The following CGA variants were observed in gnomAD, a reference collection of about 807,000 sequenced individuals.
CGA encodes glycoprotein hormones, alpha polypeptide, also known as glycoprotein hormones alpha chain.
Under a neutral mutation model 12.0 loss-of-function variants are expected in CGA, and 4 were observed. That is an observed-to-expected ratio of 0.33 (90% CI 0.16 to 0.76). The LOEUF (loss-of-function observed/expected upper bound fraction) is 0.76, where lower values mean the gene tolerates loss of function less well. Among genes scored for constraint, CGA ranks in the 30% least tolerant of loss-of-function variants. The probability of loss-of-function intolerance (pLI) is 0.60; values close to 1 mark genes in which losing one functional copy is unlikely to be tolerated. For synonymous variants in CGA, 60 were observed against 56.6 expected (o/e 1.06, Z -0.27); for missense variants, 102 against 143.5 (o/e 0.71, Z 1.48).
intron 1 of CGA, among the ~76,000 whole-genome samples, chr6:87,094,243 G>A (rs146274286): frequency 6.6e-6 from 1 of 152,226 alleles, no homozygotes; most frequent in Non-Finnish European, 1.5e-5. Context: ...CGTGCCCATA[G>A]CCTATTCTTC....
intron 3 of CGA, 39 bp downstream of exon 3, chr6:87,086,211 G>A: frequency 6.5e-7 from 1 of 1,548,398 alleles, no homozygotes; most frequent in Non-Finnish European, 8.8e-7. Flanking sequence ...TTCTCTGATT[G>A]GGCTGTTAGA....
At chr6:87,088,024 G>C (rs1769354829) in intron 2 of CGA, 89 bp downstream of exon 2, 1 of 637,092 alleles carries the variant, frequency 1.6e-6, no homozygotes, top group Non-Finnish European at 2.6e-6. Context: ...TTTTGAAAAG[G>C]TGGTAGAAAT....
intron 1 of CGA, among the ~76,000 whole-genome samples, chr6:87,093,606 A>C (rs1398745042): frequency 6.6e-6 from 1 of 152,142 alleles, no homozygotes; most frequent in Admixed American, 6.6e-5. Context: ...ATGTAAGTTC[A>C]CTCCTGTAAA....
At chr6:87,089,250 T>C (rs1478065307) in intron 1 of CGA, 2 of 152,138 alleles carry the variant, frequency 1.3e-5, no homozygotes, top group African/African-American at 4.8e-5. Flanking sequence ...TGTATGAGGG[T>C]GAGTATGGCT....
At chr6:87,091,326 A>G (rs1215612521) in intron 1 of CGA, among the ~76,000 whole-genome samples, 1 of 152,216 alleles carries the variant, frequency 6.6e-6, no homozygotes, top group Non-Finnish European at 1.5e-5. Context: ...ACATTAACCA[A>G]GTAAAAACAG....
chr6:87,086,092 C>T (rs924143862), intron 3 of CGA, 158 bp downstream of exon 3: 1 of 704,484 alleles, frequency 1.4e-6, no homozygotes, highest in African/African-American at 1.8e-5. Context: ...ACAATTGACT[C>T]TTTTAATTAA....
intron 1 of CGA, among the ~76,000 whole-genome samples, chr6:87,089,645 T>A (rs1241750260): frequency 6.6e-6 from 1 of 152,194 alleles, no homozygotes; most frequent in African/African-American, 2.4e-5. Context: ...ACTGACATAA[T>A]AGGGCTGAGT....
chr6:87,085,879 T>C (rs2127753837), intron 3 of CGA, 46 bp from the exon 4 acceptor site: 4 of 1,265,854 alleles, frequency 3.2e-6, no homozygotes, highest in Non-Finnish European at 4.6e-6. Flanking sequence ...AGATGATAGA[T>C]AGATAGATAG....
chr6:87,086,443 G>GA lies in CGA; in HGVS notation c.89-10dup, dbSNP rs11380231. On this transcript the variant is annotated splice_polypyrimidine_tract_variant and intron_variant, in intron 2 of 3. Coordinates refer to ENST00000627148, the MANE Select transcript of CGA (RefSeq NM_000735.4). ...CGTGCATTCTGGGCAATCTATCAGG[G>GA]AAAAAAAAAGGCAGAGTAAAATATC... 308,098 of 1,551,022 alleles carry GA rather than the reference G, an allele frequency of 0.2. 26,980 individuals carry two copies. The highest frequency in any genetic ancestry group is 0.21 in the Non-Finnish European group (242,370 of 1,149,318).
chr6:87,086,138 C>G, intron 3 of CGA, 112 bp downstream of exon 3: 2 of 951,450 alleles, frequency 2.1e-6, no homozygotes, highest in Non-Finnish European at 3.2e-6. Flanking sequence ...TACAAATGCT[C>G]GACAGAGGCT....
intron 1 of CGA, among the ~76,000 whole-genome samples, chr6:87,093,230 C>A (rs1247753591): frequency 6.6e-6 from 1 of 152,186 alleles, no homozygotes; most frequent in East Asian, 1.9e-4. Flanking sequence ...TTGTACTACC[C>A]CTATAGCCTA....
At chr6:87,086,603 C>G (rs556870920) in intron 2 of CGA, 169 bp from the exon 3 acceptor site, 69 of 588,852 alleles carry the variant, frequency 1.2e-4, no homozygotes, top group Middle Eastern at 8.8e-4. Flanking sequence ...ATGGTGAAAC[C>G]CTGTCTCTAC....
rs1434204541 is a variant in CGA at position 87,088,202 on chromosome 6, G to A, written c.-2C>T. 3 of 1,518,630 alleles carry A rather than the reference G, an allele frequency of 2.0e-6. No individual in the cohort carries two copies. Among genetic ancestry groups the A allele is most frequent in the South Asian group, 1.2e-5 (1 of 80,116 alleles). 94.1% of individuals were successfully genotyped at this position (1,518,630 alleles called of 1,614,324 possible). On this transcript the variant is annotated 5_prime_UTR_variant, in exon 2 of 4. Transcript: ENST00000627148. ...TGCATATTTTCTGTAGTAATCCATG[G>A]CGCTCCTGCAGACAGACATGGCAAA...
intron 1 of CGA, among the ~76,000 whole-genome samples, chr6:87,089,511 T>G (rs1489035735): frequency 6.6e-6 from 1 of 152,236 alleles, no homozygotes; most frequent in Non-Finnish European, 1.5e-5. Context: ...ACAGGACTTC[T>G]CTGTACATTT....
rs185994130 is a variant in CGA at position 87,090,935 on chromosome 6, C to G, written c.-7-2728G>C. On this transcript the variant is annotated intron_variant, in intron 1 of 3. Coordinates refer to ENST00000627148, the MANE Select transcript of CGA (RefSeq NM_000735.4). ...TGCTGGGATTACAGGCGTGAGCCACCATGACCAGCCTGGGCTCTTCAATAA... is the reference window on the plus strand; with the variant it reads ...TGCTGGGATTACAGGCGTGAGCCACGATGACCAGCCTGGGCTCTTCAATAA... Among the ~76,000 whole-genome samples, 564 of 151,610 alleles carry G rather than the reference C, an allele frequency of 3.7e-3. 7 individuals carry two copies. Among genetic ancestry groups the G allele is most frequent in the African/African-American group, 0.013 (542 of 41,386 alleles).
intron 1 of CGA, among the ~76,000 whole-genome samples, chr6:87,092,279 T>C (rs1300389628): frequency 6.6e-6 from 1 of 152,210 alleles, no homozygotes. Flanking sequence ...TTTGTATTTT[T>C]ATCTTTGTAC....
At chr6:87,089,373 ATG>A (rs71014985) in intron 1 of CGA, among the ~76,000 whole-genome samples, 48,613 of 151,156 alleles carry the variant, frequency 0.32, 7,947 homozygotes, top group East Asian at 0.42. Context: ...CACTAGTATT[ATG>A]TGTGTGTGTG....
chr6:87,091,980 T>C (rs1374319274), intron 1 of CGA, among the ~76,000 whole-genome samples: 1 of 152,164 alleles, frequency 6.6e-6, no homozygotes, highest in African/African-American at 2.4e-5. Context: ...GCCACTGCAC[T>C]CTACCCTGGG....
Position 87,085,526 on chromosome 6 carries a change from G to T in CGA, c.*230C>A, listed in dbSNP as rs1582317814. The T allele has an allele frequency of 2.4e-6, 1 of 416,628 alleles. No individual in the cohort carries two copies. Among genetic ancestry groups the T allele is most frequent in the Non-Finnish European group, 4.4e-6 (1 of 228,288 alleles). 25.8% of individuals were successfully genotyped at this position (416,628 alleles called of 1,614,324 possible). A position where few individuals can be genotyped will look rare whatever the true frequency, so the allele number is the denominator to read the frequency against. On this transcript the variant is annotated 3_prime_UTR_variant, in exon 4 of 4. Transcript: ENST00000627148. ...AATGATGATTTAAAAGGCTTTATTT[G>T]CAGTGGAACAAGCTAAATGCTGTAT...
Sources: allele counts gnomAD v4.1 joint callset (sites outside exome capture counted in the v4.1 genomes callset), GRCh38; gene constraint gnomAD v4.1.1; transcripts MANE v1.5; gene names NCBI Gene and HGNC (gene_info 2026-07-23, HGNC 2026-07-21).